The following HDX variants were observed in gnomAD, a reference collection of about 807,000 sequenced individuals.
HDX encodes highly divergent homeobox.
Under a neutral mutation model 45.2 loss-of-function variants are expected in HDX, and 19 were observed. That is an observed-to-expected ratio of 0.42 (90% CI 0.29 to 0.62). The LOEUF is 0.62. Among genes scored for constraint, HDX ranks in the 20% least tolerant of loss-of-function variants. HDX has a pLI of 0.20. For missense variants in HDX, 532 were observed against 493.9 expected, an observed-to-expected ratio of 1.08 and a Z score of -0.73; for synonymous variants, 188 against 172.8, an observed-to-expected ratio of 1.09 and a Z score of -0.69.
chrX:84,475,832 A>G (rs762830810), intron 2 of HDX, among the ~76,000 whole-genome samples: 104 of 111,826 alleles, frequency 9.3e-4, no homozygotes, highest in Non-Finnish European at 1.5e-3. Flanking sequence ...TATAGCCAGA[A>G]GCTGTACTCT....
At chrX:84,405,588 C>CTTTTTTTTTTTTTTTTTTTTTTTTTT (rs55758874) in intron 5 of HDX, among the ~76,000 whole-genome samples, 1 of 58,209 alleles carries the variant, frequency 1.7e-5, no homozygotes, top group Non-Finnish European at 3.3e-5. Flanking sequence ...GGATTTTCTG[C>CTTTTTTTTTTTTTTTTTTTTTTTTTT]TTTTTTTTTT....
chrX:84,333,719 A>G (rs1369345592), intron 9 of HDX, 40 bp downstream of exon 9: 1 of 594,250 alleles, frequency 1.7e-6, no homozygotes, highest in African/African-American at 2.3e-5. Flanking sequence ...GCCTCATTTA[A>G]TACCTTCTCT....
chrX:84,421,993 G>T (rs1331418672), intron 5 of HDX, among the ~76,000 whole-genome samples: 4 of 104,875 alleles, frequency 3.8e-5, no homozygotes, highest in African/African-American at 1.4e-4. Context: ...ACATTAGAAA[G>T]ATCTTTGAGA....
At chrX:84,362,431 T>A (rs954992008) in intron 5 of HDX, among the ~76,000 whole-genome samples, 1 of 110,302 alleles carries the variant, frequency 9.1e-6, no homozygotes, top group African/African-American at 3.3e-5. Flanking sequence ...AATATCTGAG[T>A]TTTTCTAGTT....
intron 2 of HDX, among the ~76,000 whole-genome samples, chrX:84,477,864 A>T (rs2040588347): frequency 8.9e-6 from 1 of 111,831 alleles, no homozygotes; most frequent in Admixed American, 9.5e-5. Context: ...TGGTGGCTGA[A>T]TTAGGGGATT....
intron 8 of HDX, among the ~76,000 whole-genome samples, chrX:84,335,191 G>T (rs916233777): frequency 2.7e-5 from 3 of 110,151 alleles, no homozygotes; most frequent in African/African-American, 9.9e-5. Context: ...GCTCTTCCAA[G>T]ACCTCAGATT....
At chrX:84,396,748 A>G (rs2038575631) in intron 5 of HDX, among the ~76,000 whole-genome samples, 1 of 111,459 alleles carries the variant, frequency 9.0e-6, no homozygotes, top group Non-Finnish European at 1.9e-5. Context: ...CAGTATCAGC[A>G]GGGTGGGTGT....
Position 84,468,499 on chromosome X carries a change from T to A in HDX, c.1224A>T (p.Arg408Ser), listed in dbSNP as rs2040395563. 3.4e-6 allele frequency: 4 copies of A among 1,159,984 alleles called. No homozygotes were observed. Among genetic ancestry groups the A allele is most frequent in the Non-Finnish European group, 4.6e-6 (4 of 860,519 alleles). The stretch of plus-strand genomic sequence containing the variant: ...GGTAATTGTTTTGGTTTTGTGATAA[T>A]CTCAATTGGTTTGATGATGCAAAAT... Reference protein sequence around the residue: ...SPHFASSNQLRLSQNQNNYQI... With the variant: ...SPHFASSNQLSLSQNQNNYQI... Residue 408 changes from arginine to serine, a missense_variant, in exon 4 of 11, where the codon AGA becomes AGT. Physicochemically the swap from Arg to Ser is moderately radical, Grantham distance 110. Coordinates refer to ENST00000373177, the MANE Select transcript of HDX (RefSeq NM_001177479.2).
At chrX:84,445,374 G>A (rs1011656637) in intron 4 of HDX, among the ~76,000 whole-genome samples, 2 of 111,158 alleles carry the variant, frequency 1.8e-5, no homozygotes, top group Admixed American at 9.6e-5. Context: ...TATTAGCTGA[G>A]CATAGAAACC....
At chrX:84,346,015 C>T (rs1489932109) in intron 6 of HDX, among the ~76,000 whole-genome samples, 2 of 110,960 alleles carry the variant, frequency 1.8e-5, no homozygotes, top group Admixed American at 9.7e-5. Flanking sequence ...AATATGAATT[C>T]TATGTAATAT....
intron 5 of HDX, among the ~76,000 whole-genome samples, chrX:84,413,742 T>C (rs1395770643): frequency 8.9e-6 from 1 of 112,096 alleles, no homozygotes; most frequent in African/African-American, 3.2e-5. Flanking sequence ...TTTGTGGTTT[T>C]AAATAATATT....
chrX:84,374,767 G>A (rs753789423), intron 5 of HDX, among the ~76,000 whole-genome samples: 32 of 106,604 alleles, frequency 3.0e-4, no homozygotes, highest in South Asian at 4.2e-4. Context: ...AGACTTAAAC[G>A]TTAGACCTAA....
At chrX:84,373,270 A>T (rs1164356229) in intron 5 of HDX, among the ~76,000 whole-genome samples, 1 of 111,317 alleles carries the variant, frequency 9.0e-6, no homozygotes, top group East Asian at 2.8e-4. Flanking sequence ...ATCGGCTTCT[A>T]TCCATGTATG....
intron 5 of HDX, among the ~76,000 whole-genome samples, chrX:84,374,338 G>A (rs1214144574): frequency 9.2e-6 from 1 of 108,811 alleles, no homozygotes; most frequent in Non-Finnish European, 1.9e-5. Context: ...TACTGCCCAA[G>A]GTAATTTATA....
intron 8 of HDX, among the ~76,000 whole-genome samples, chrX:84,335,094 G>T (rs1423784862): frequency 1.8e-5 from 2 of 111,492 alleles, no homozygotes; most frequent in Non-Finnish European, 3.8e-5. Context: ...CAGCTGCAGT[G>T]AAATTACTTT....
At chrX:84,427,818 T>A (rs778602035) in intron 5 of HDX, among the ~76,000 whole-genome samples, 1 of 111,141 alleles carries the variant, frequency 9.0e-6, no homozygotes, top group African/African-American at 3.3e-5. Flanking sequence ...GTAAAATACA[T>A]ATCAGTAGAA....
chrX:84,408,262 C>T (rs933801196), intron 5 of HDX, among the ~76,000 whole-genome samples: 11 of 111,151 alleles, frequency 9.9e-5, no homozygotes, highest in Non-Finnish European at 1.3e-4. Context: ...CCACATATGG[C>T]TAACCAGGTT....
chrX:84,331,251 C>G (rs1460347398), intron 9 of HDX, among the ~76,000 whole-genome samples: 1 of 111,527 alleles, frequency 9.0e-6, no homozygotes, highest in Non-Finnish European at 1.9e-5. Flanking sequence ...CAGTCAAAAA[C>G]TCCACTATGA....
chrX:84,396,720 TGTAA>T (rs1191545922), intron 5 of HDX, among the ~76,000 whole-genome samples: 3 of 111,592 alleles, frequency 2.7e-5, no homozygotes, highest in Non-Finnish European at 5.6e-5. Flanking sequence ...AGTGTGTGCC[TGTAA>T]GTGTCAGCTG....
Sources: allele counts gnomAD v4.1 joint callset (sites outside exome capture counted in the v4.1 genomes callset), GRCh38; gene constraint gnomAD v4.1.1; transcripts MANE v1.5; gene names NCBI Gene and HGNC (gene_info 2026-07-23, HGNC 2026-07-21).